The following DLGAP2 variants were observed in gnomAD, a reference collection of about 807,000 sequenced individuals.
DLGAP2 encodes disks large-associated protein 2.
Under a neutral mutation model 100.3 loss-of-function variants are expected in DLGAP2, and 26 were observed. The observed-to-expected ratio is 0.26, with a 90% CI of 0.19 to 0.36. The LOEUF is 0.36. DLGAP2 is among the 10% of genes least tolerant of loss of function. DLGAP2 has a pLI of 1.00. For missense variants in DLGAP2, 1,858 were observed against 1,453.2 expected (o/e 1.28, Z -4.53); for synonymous variants, 886 against 630.1 (o/e 1.41, Z -6.08).
intron 5 of DLGAP2, among the ~76,000 whole-genome samples, chr8:1,555,539 G>A (rs1246714529): frequency 6.6e-6 from 1 of 152,222 alleles, no homozygotes; most frequent in African/African-American, 2.4e-5. Context: ...GGGCTTGGCA[G>A]GATCTCGCTG....
At chr8:1,205,753 C>T (rs544375035) in intron 2 of DLGAP2, among the ~76,000 whole-genome samples, 8 of 152,182 alleles carry the variant, frequency 5.3e-5, no homozygotes, top group African/African-American at 1.4e-4. Flanking sequence ...GTGATGGGGG[C>T]GGGAGACATG....
chr8:1,527,002 C>T (rs1047616585), intron 4 of DLGAP2, among the ~76,000 whole-genome samples: 13 of 152,156 alleles, frequency 8.5e-5, no homozygotes, highest in African/African-American at 1.7e-4. Flanking sequence ...CCCGTTACCA[C>T]GACTTCGCAT....
intron 3 of DLGAP2, among the ~76,000 whole-genome samples, chr8:1,435,069 T>C (rs535637514): frequency 1.3e-5 from 2 of 152,354 alleles, no homozygotes; most frequent in East Asian, 3.9e-4. Flanking sequence ...GCCGTCCTTA[T>C]TGCTCCTGGA....
At chr8:1,006,315 A>G (rs1340639423) in intron 2 of DLGAP2, among the ~76,000 whole-genome samples, 2 of 152,150 alleles carry the variant, frequency 1.3e-5, no homozygotes, top group Non-Finnish European at 2.9e-5. Flanking sequence ...CTGAAGTCTC[A>G]GAATACGGTC....
At chr8:810,008 C>T (rs1043258290) in intron 1 of DLGAP2, among the ~76,000 whole-genome samples, 1 of 152,228 alleles carries the variant, frequency 6.6e-6, no homozygotes, top group Non-Finnish European at 1.5e-5. Context: ...CTGCACCTGA[C>T]AATCTGCTCT....
chr8:1,577,836 C>A (rs1265190591), intron 6 of DLGAP2, among the ~76,000 whole-genome samples: 3 of 152,174 alleles, frequency 2.0e-5, no homozygotes, highest in Non-Finnish European at 4.4e-5. Flanking sequence ...TCAGCACTGA[C>A]CTTCCTCCTC....
In DLGAP2 at chr8:1,066,192, G is replaced by A. The variant is rs1257004117; in HGVS notation, c.73+158226G>A. ...GAGGACAGTTCCCCACCACGGTCAG[G>A]TCTGAGTGAGGACAGTTCTCCACCA... is the stretch of plus-strand genomic sequence containing the variant. On this transcript the variant is annotated intron_variant, in intron 2 of 14. Coordinates refer to ENST00000637795, the MANE Select transcript of DLGAP2 (RefSeq NM_001346810.2). Among the ~76,000 whole-genome samples the A allele has an allele frequency of 3.3e-5, 5 of 151,476 alleles. No individual in the cohort carries two copies. The East Asian group carries it at 7.9e-4, about 24-fold the overall frequency.
intron 2 of DLGAP2, among the ~76,000 whole-genome samples, chr8:1,007,187 T>C (rs1723998414): frequency 6.6e-6 from 1 of 152,200 alleles, no homozygotes; most frequent in African/African-American, 2.4e-5. Flanking sequence ...TGTGGTCCTT[T>C]ATCATGTCGG....
At chr8:1,039,714 C>G (rs1379142314) in intron 2 of DLGAP2, among the ~76,000 whole-genome samples, 1 of 114,464 alleles carries the variant, frequency 8.7e-6, no homozygotes, top group Non-Finnish European at 1.7e-5. Context: ...AGCTCGGTTT[C>G]CGTGGTCAGC....
chr8:795,201 C>G (rs1332930340), intron 1 of DLGAP2, among the ~76,000 whole-genome samples: 1 of 152,208 alleles, frequency 6.6e-6, no homozygotes, highest in Non-Finnish European at 1.5e-5. Flanking sequence ...ACACAGGTTC[C>G]TGCAAGCCTC....
chr8:872,761 T>C, intron 1 of DLGAP2, among the ~76,000 whole-genome samples: 1 of 152,194 alleles, frequency 6.6e-6, no homozygotes, highest in East Asian at 1.9e-4. Flanking sequence ...CCACAGTCAA[T>C]TTCAGAACAC....
At chr8:1,440,473 A>G (rs1453369762) in intron 3 of DLGAP2, among the ~76,000 whole-genome samples, 1 of 152,216 alleles carries the variant, frequency 6.6e-6, no homozygotes, top group Non-Finnish European at 1.5e-5. Flanking sequence ...GCAGAGAAAC[A>G]CTAGAAGCTC....
chr8:1,607,450 A>G (rs1042762183), intron 6 of DLGAP2, among the ~76,000 whole-genome samples: 1 of 152,256 alleles, frequency 6.6e-6, no homozygotes, highest in African/African-American at 2.4e-5. Flanking sequence ...TATACTCCTT[A>G]GCACAATATT....
chr8:1,524,598 G>A lies in DLGAP2; in HGVS notation c.172+23167G>A, dbSNP rs541953453. 1.1e-4 allele frequency among the ~76,000 whole-genome samples: 17 copies of A among 152,156 alleles called. No individual in the cohort carries two copies. In the South Asian group the frequency reaches 2.5e-3, roughly 22 times the overall value. On this transcript the variant is annotated intron_variant, in intron 4 of 14. Transcript: ENST00000637795. The stretch of plus-strand genomic sequence containing the variant: ...CATCTTCTCCTTGTGTCCTCACAGC[G>A]TCATCCCTCCGTGCGTTTTTGTGTC...
In DLGAP2 at chr8:1,059,402, G is replaced by A. The variant is rs901753490; in HGVS notation, c.73+151436G>A. 2.6e-5 allele frequency among the ~76,000 whole-genome samples: 4 copies of A among 152,122 alleles called. No homozygotes were observed. The South Asian group carries it at 6.2e-4, about 24-fold the overall frequency. On this transcript the variant is annotated intron_variant, in intron 2 of 14. Coordinates refer to ENST00000637795, the MANE Select transcript of DLGAP2 (RefSeq NM_001346810.2). Reference sequence around the variant, plus strand: ...GCTCTGGAGCCGCACTCCTGAGCCCGAAGGCTTGGGCTCCTCCCTCAGCTC... The same window carrying A: ...GCTCTGGAGCCGCACTCCTGAGCCCAAAGGCTTGGGCTCCTCCCTCAGCTC...
chr8:741,534 T>G (rs1820485602), intron 1 of DLGAP2, among the ~76,000 whole-genome samples: 3 of 152,134 alleles, frequency 2.0e-5, no homozygotes, highest in Non-Finnish European at 2.9e-5. Flanking sequence ...CCGCTGCAGG[T>G]GCACCTCTCC....
At chr8:1,167,231 G>A (rs1242811642) in intron 2 of DLGAP2, among the ~76,000 whole-genome samples, 1 of 152,150 alleles carries the variant, frequency 6.6e-6, no homozygotes, top group Non-Finnish European at 1.5e-5. Flanking sequence ...AAATTCACAA[G>A]CAAAGGCCCC....
intron 3 of DLGAP2, among the ~76,000 whole-genome samples, chr8:1,275,831 A>AATATATATAAAT (rs1799673860): frequency 1.5e-5 from 1 of 64,842 alleles, no homozygotes; most frequent in South Asian, 4.7e-4. Context: ...TATAAAAATA[A>AATATATATAAAT]ATATATAATA....
chr8:825,722 A>G (rs953075421), intron 1 of DLGAP2, among the ~76,000 whole-genome samples: 11 of 152,100 alleles, frequency 7.2e-5, no homozygotes, highest in African/African-American at 2.7e-4. Flanking sequence ...GTGGGTTCAT[A>G]TTAGGTGTAT....
Sources: allele counts gnomAD v4.1 joint callset (sites outside exome capture counted in the v4.1 genomes callset), GRCh38; gene constraint gnomAD v4.1.1; transcripts MANE v1.5; gene names NCBI Gene and HGNC (gene_info 2026-07-23, HGNC 2026-07-21).